Variants in KTN1 observed in about 807,000 individuals in gnomAD.
KTN1 encodes kinectin.
A neutral mutation model predicts 222.5 loss-of-function variants in KTN1; 130 were observed. That is an observed-to-expected ratio of 0.58 (90% CI 0.51 to 0.68). The LOEUF (loss-of-function observed/expected upper bound fraction) is 0.68, where lower values mean the gene tolerates loss of function less well. Ranked by LOEUF, KTN1 falls within the 30% of genes least tolerant of loss-of-function variation. The pLI, the probability that KTN1 is intolerant of heterozygous loss-of-function variation, is 0.00. For missense variants in KTN1, 1,508 were observed against 1,500.4 expected (o/e 1.01, Z -0.08); for synonymous variants, 512 against 496.3 (o/e 1.03, Z -0.42).
intron 5 of KTN1, among the ~76,000 whole-genome samples, chr14:55,623,156 A>G (rs2039376951): frequency 6.6e-6 from 1 of 152,180 alleles, no homozygotes; most frequent in South Asian, 2.1e-4. Context: ...AACCGTCTGG[A>G]TGTTTTTGCC....
chr14:55,659,274 A>G lies in KTN1; in HGVS notation c.2962-392A>G, dbSNP rs138727828. Among the ~76,000 whole-genome samples the G allele has an allele frequency of 6.0e-4, 91 of 151,706 alleles. 1 individual carries two copies. The highest frequency in any genetic ancestry group is 2.1e-3 in the African/African-American group (86 of 41,436). On this transcript the variant is annotated intron_variant, in intron 30 of 43. Transcript: ENST00000395314. ...AAATAACTTTGTTAAACGTGAGGAAACATAACTTGTCCTAGTTTTGCTTTT... is the reference window on the plus strand; with the variant it reads ...AAATAACTTTGTTAAACGTGAGGAAGCATAACTTGTCCTAGTTTTGCTTTT...
chr14:55,617,108 A>T (rs2038501803), intron 3 of KTN1, among the ~76,000 whole-genome samples: 1 of 152,190 alleles, frequency 6.6e-6, no homozygotes, highest in African/African-American at 2.4e-5. Context: ...GAGCAATCTT[A>T]TTTGTTCACA....
chr14:55,628,933 AC>A (rs1473879731), intron 6 of KTN1, among the ~76,000 whole-genome samples: 1 of 152,146 alleles, frequency 6.6e-6, no homozygotes, highest in East Asian at 1.9e-4. Flanking sequence ...GAATGAACAA[AC>A]TCAGGCAGCC....
chr14:55,656,047 A>G lies in KTN1; in HGVS notation c.2807A>G (p.Lys936Arg). 1 of 1,595,892 alleles carries G rather than the reference A, an allele frequency of 6.3e-7. No individual in the cohort carries two copies. The highest frequency in any genetic ancestry group is 8.5e-7 in the Non-Finnish European group (1 of 1,169,756). Residue 936 changes from lysine (K) to arginine (R), a missense_variant, in exon 29 of 44, where the codon AAA (lysine) becomes AGA (arginine). Physicochemically the swap from Lys to Arg is conservative, Grantham distance 26. Coordinates refer to ENST00000395314, the MANE Select transcript of KTN1 (RefSeq NM_001079521.2). Reference sequence around the variant, plus strand: ...ATCTTTGTAAAAAATTCTAGGTTGAAAGAAAAGGAAAATGAATTGAAGAGG... The same window carrying G: ...ATCTTTGTAAAAAATTCTAGGTTGAGAGAAAAGGAAAATGAATTGAAGAGG... ...SQFEELEIVLKEKENELKRLE... is the reference protein window; with the variant it reads ...SQFEELEIVLREKENELKRLE...
chr14:55,621,848 T>C lies in KTN1; in HGVS notation c.963+2536T>C, dbSNP rs1040405862. On this transcript the variant is annotated intron_variant, in intron 5 of 43. Transcript: ENST00000395314. ...AATAAGTAAGATGATTTATATTACTTTTTTTTTTTTTTTTTTTTGAGACAG... is the reference window on the plus strand; with the variant it reads ...AATAAGTAAGATGATTTATATTACTCTTTTTTTTTTTTTTTTTTGAGACAG... Among the ~76,000 whole-genome samples, 171 of 36,132 alleles carry C rather than the reference T, an allele frequency of 4.7e-3. No homozygotes were observed. In the African/African-American group the frequency reaches 0.067, roughly 14 times the overall value. The allele number at this position is 36,132 out of a possible 152,430, so 23.7% of individuals were successfully genotyped here.
chr14:55,673,280 T>G, intron 40 of KTN1, 25 bp downstream of exon 40: 1 of 1,470,430 alleles, frequency 6.8e-7, no homozygotes. Flanking sequence ...CTCCACTGGG[T>G]ATCAAGTAGG....
At chr14:55,679,820 C>CTTAAA in intron 43 of KTN1, 135 bp downstream of exon 43, 1 of 910,654 alleles carries the variant, frequency 1.1e-6, no homozygotes, top group Non-Finnish European at 1.7e-6. Context: ...AGATGACAGC[C>CTTAAA]TTAAGCTTTC....
chr14:55,591,822 C>T (rs548548680), intron 1 of KTN1, among the ~76,000 whole-genome samples: 1 of 152,134 alleles, frequency 6.6e-6, no homozygotes, highest in African/African-American at 2.4e-5. Context: ...GTGATCCGCC[C>T]GCCTCGGCCA....
Position 55,659,701 on chromosome 14 carries a change from A to T in KTN1, c.2997A>T (p.Lys999Asn). ...SSFPPHEELL[K>N]VISEREKEIS... ...TTCCCCCTCATGAAGAATTATTAAA[A>T]GTGTAAGTAATAAGTTTGAGTCACA... Residue 999 changes from lysine to asparagine, a missense_variant and splice_region_variant, in exon 31 of 44, where the codon AAA becomes AAT. Coordinates refer to ENST00000395314, the MANE Select transcript of KTN1 (RefSeq NM_001079521.2). The T allele has an allele frequency of 6.8e-7, 1 of 1,466,328 alleles. No individual in the cohort carries two copies. The highest frequency in any genetic ancestry group is 9.5e-7 in the Non-Finnish European group (1 of 1,047,234). The allele number at this position is 1,466,328 out of a possible 1,614,324, so 90.8% of individuals were successfully genotyped here.
In KTN1 at chr14:55,640,947, T is replaced by C. The variant is rs745509746; in HGVS notation, c.1998T>C (p.His666=). The C allele has an allele frequency of 6.2e-7, 1 of 1,612,054 alleles. No homozygotes were observed. Among genetic ancestry groups the C allele is most frequent in the Non-Finnish European group, 8.5e-7 (1 of 1,178,598 alleles). ...ALANEQAAAA[H]ELEKMQQSVY... ...TCCACACACAGGCTGCTGCTGCACA[T>C]GAATTGGAGAAGATGCAACAAAGGT... The change falls in exon 16 of 44, where the codon CAT becomes CAC. Residue 666 remains histidine, a synonymous_variant. Coordinates refer to ENST00000395314, the MANE Select transcript of KTN1 (RefSeq NM_001079521.2).
intron 19 of KTN1, among the ~76,000 whole-genome samples, 157 bp from the exon 20 acceptor site, chr14:55,647,868 C>T (rs866709985): frequency 2.1e-4 from 31 of 150,308 alleles, no homozygotes; most frequent in Admixed American, 2.6e-4. Context: ...GGCATGAACC[C>T]GGGAGGCGGA....
At chr14:55,620,913 T>C (rs1026928393) in intron 5 of KTN1, among the ~76,000 whole-genome samples, 3 of 152,224 alleles carry the variant, frequency 2.0e-5, no homozygotes, top group Non-Finnish European at 4.4e-5. Flanking sequence ...GATTTTCTTT[T>C]CTATGGCATC....
At chr14:55,616,451 G>C in intron 2 of KTN1, 66 bp from the exon 3 acceptor site, 1 of 1,380,422 alleles carries the variant, frequency 7.2e-7, no homozygotes, top group Non-Finnish European at 9.8e-7. Flanking sequence ...ATTACTCAGT[G>C]ATTGCATCTT....
At chr14:55,673,380 AGATAATCTT>A in intron 40 of KTN1, 125 bp downstream of exon 40, 2 of 567,014 alleles carry the variant, frequency 3.5e-6, no homozygotes, top group Non-Finnish European at 6.3e-6. Context: ...TGTAAGTCTA[AGATAATCTT>A]CATATTCCGA....
At chr14:55,638,379 G>C (rs917626083) in intron 12 of KTN1, among the ~76,000 whole-genome samples, 2 of 151,804 alleles carry the variant, frequency 1.3e-5, no homozygotes, top group Non-Finnish European at 3.0e-5. Flanking sequence ...ATAATATAAA[G>C]AAAATCAAAT....
rs548107579 is a variant in KTN1, at chr14:55,641,924, C to A, written c.2172+164C>A. On this transcript the variant is annotated intron_variant, in intron 18 of 43. Coordinates refer to ENST00000395314, the MANE Select transcript of KTN1 (RefSeq NM_001079521.2). ...TGTATCTAAATTCAGGAAATTTTTT[C>A]TCCCTGAGGTGAAGCTAATGCCAAT... Among the ~76,000 whole-genome samples the A allele has an allele frequency of 3.4e-4, 52 of 152,176 alleles. 1 individual carries two copies. In the South Asian group the frequency reaches 1.0e-2, roughly 29 times the overall value.
chr14:55,665,489 A>G (rs1318132471), intron 33 of KTN1, among the ~76,000 whole-genome samples: 5 of 152,040 alleles, frequency 3.3e-5, no homozygotes, highest in Admixed American at 3.3e-4. Context: ...TGGAATTTAG[A>G]CAGTCCTTAG....
chr14:55,662,876 G>A (rs2044300609), intron 32 of KTN1: 1 of 455,926 alleles, frequency 2.2e-6, no homozygotes, highest in Non-Finnish European at 4.4e-6. Context: ...CATCTTAACT[G>A]TGTTTTATTA....
At chr14:55,619,742 G>C (rs1381063529) in intron 5 of KTN1, among the ~76,000 whole-genome samples, 1 of 151,970 alleles carries the variant, frequency 6.6e-6, no homozygotes, top group Non-Finnish European at 1.5e-5. Flanking sequence ...TGTCCCACCA[G>C]GTCCCTCCCA....
Sources: gnomAD v4.1 joint callset for allele counts (sites outside exome capture counted in the v4.1 genomes callset) on GRCh38, gnomAD v4.1.1 for gene constraint, MANE v1.5 for transcripts, NCBI Gene and HGNC (gene_info 2026-07-23, HGNC 2026-07-21) for gene names.